The following PPARGC1A variants were observed in gnomAD, a reference collection of about 807,000 sequenced individuals.
PPARGC1A encodes the protein peroxisome proliferator-activated receptor gamma coactivator 1-alpha.
A neutral mutation model predicts 88.7 loss-of-function variants in PPARGC1A; 25 were observed. That is an observed-to-expected ratio of 0.28 (90% CI 0.21 to 0.39). The LOEUF (loss-of-function observed/expected upper bound fraction) is 0.39, where lower values mean the gene tolerates loss of function less well. PPARGC1A is among the 10% of genes least tolerant of loss of function. The probability of loss-of-function intolerance (pLI) is 1.00; values close to 1 mark genes in which losing one functional copy is unlikely to be tolerated. For synonymous variants in PPARGC1A, 363 were observed against 355.6 expected (o/e 1.02, Z -0.24); for missense variants, 880 against 968.7 (o/e 0.91, Z 1.22).
chr4:23,980,659 T>C, the PPARGC1A span, among the ~76,000 whole-genome samples: 1 of 152,104 alleles, frequency 6.6e-6, no homozygotes, highest in Non-Finnish European at 1.5e-5. Context: ...CAAATGTCAT[T>C]TCAGGGCAGC....
chr4:24,305,577 C>A, the PPARGC1A span, among the ~76,000 whole-genome samples: 1 of 152,144 alleles, frequency 6.6e-6, no homozygotes, highest in Non-Finnish European at 1.5e-5. Context: ...CTTTGGGAAG[C>A]CGAGGCAGGT....
chr4:24,408,577 G>A, the PPARGC1A span, among the ~76,000 whole-genome samples: 1 of 152,170 alleles, frequency 6.6e-6, no homozygotes, highest in Admixed American at 6.5e-5. Context: ...CTACACAAGT[G>A]TCTTGAAACT....
At chr4:24,403,334 T>G in the PPARGC1A span, among the ~76,000 whole-genome samples, 1 of 152,224 alleles carries the variant, frequency 6.6e-6, no homozygotes, top group African/African-American at 2.4e-5. Context: ...ACAGCACAAC[T>G]TCAGTGGAAC....
the PPARGC1A span, among the ~76,000 whole-genome samples, chr4:24,348,912 C>G: frequency 2.0e-5 from 3 of 152,100 alleles, no homozygotes; most frequent in Admixed American, 6.5e-5. Flanking sequence ...TTTCTGGTTC[C>G]TTGTCATTTG....
the PPARGC1A span, among the ~76,000 whole-genome samples, chr4:24,089,004 ATG>A: frequency 6.6e-6 from 1 of 152,294 alleles, no homozygotes; most frequent in African/African-American, 2.4e-5. Context: ...GGATTGAAAT[ATG>A]TGTGTATGTG....
chr4:24,365,160 A>C, the PPARGC1A span, among the ~76,000 whole-genome samples: 1 of 152,162 alleles, frequency 6.6e-6, no homozygotes, highest in Non-Finnish European at 1.5e-5. Flanking sequence ...ATTGAAAAAA[A>C]AAAAAAAGAA....
the PPARGC1A span, among the ~76,000 whole-genome samples, chr4:23,920,918 C>T: frequency 6.6e-6 from 1 of 152,172 alleles, no homozygotes; most frequent in African/African-American, 2.4e-5. Context: ...CCCATCTCTG[C>T]TGAGGATATA....
At chr4:24,036,856 G>A in the PPARGC1A span, among the ~76,000 whole-genome samples, 9 of 152,202 alleles carry the variant, frequency 5.9e-5, no homozygotes, top group East Asian at 1.7e-3. Context: ...TTTACTTTTT[G>A]TACACAAATC....
the PPARGC1A span, among the ~76,000 whole-genome samples, chr4:24,104,416 C>G: frequency 6.6e-6 from 1 of 152,138 alleles, no homozygotes; most frequent in South Asian, 2.1e-4. Context: ...CTGACACTCC[C>G]AAGGTCCCTG....
At chr4:23,807,625 A>G (rs1720049789) in intron 10 of PPARGC1A, among the ~76,000 whole-genome samples, 1 of 152,214 alleles carries the variant, frequency 6.6e-6, no homozygotes, top group African/African-American at 2.4e-5. Flanking sequence ...TTAAACATAT[A>G]CATTTTGATG....
At chr4:24,399,419 C>T in the PPARGC1A span, among the ~76,000 whole-genome samples, 3 of 152,144 alleles carry the variant, frequency 2.0e-5, no homozygotes, top group Non-Finnish European at 4.4e-5. Flanking sequence ...GAAATTTCAC[C>T]TATTAACTGT....
At chr4:24,353,183 A>G in the PPARGC1A span, among the ~76,000 whole-genome samples, 1 of 146,834 alleles carries the variant, frequency 6.8e-6, no homozygotes, top group Non-Finnish European at 1.5e-5. Context: ...ACCCTTTTAA[A>G]TAATCAATCT....
At chr4:24,076,516 T>G in the PPARGC1A span, among the ~76,000 whole-genome samples, 2 of 152,310 alleles carry the variant, frequency 1.3e-5, no homozygotes, top group Admixed American at 1.3e-4. Context: ...ATTGAGTCAT[T>G]CAACATGGAG....
chr4:23,907,566 GCTTAA>G (rs1256132485), upstream of PPARGC1A, among the ~76,000 whole-genome samples: 2 of 152,150 alleles, frequency 1.3e-5, no homozygotes, highest in East Asian at 3.9e-4. Flanking sequence ...TAGTTAAGCT[GCTTAA>G]CTTGTCTGAT....
At chr4:23,889,220 G>A in intron 1 of PPARGC1A, 1 of 985,378 alleles carries the variant, frequency 1.0e-6, no homozygotes, top group Non-Finnish European at 1.2e-6. Flanking sequence ...GCAGCTCTCC[G>A]TGGTACAGGA....
chr4:24,442,627 T>C, the PPARGC1A span, among the ~76,000 whole-genome samples: 2 of 152,370 alleles, frequency 1.3e-5, no homozygotes, highest in Admixed American at 1.3e-4. Flanking sequence ...GATAGTAATC[T>C]GTTTTTTGGC....
At chr4:24,094,874 C>T in the PPARGC1A span, among the ~76,000 whole-genome samples, 1 of 151,882 alleles carries the variant, frequency 6.6e-6, no homozygotes, top group Admixed American at 6.6e-5. Flanking sequence ...TAAAAATAAA[C>T]ATCAAGGAAA....
chr4:23,864,743 G>A (rs904420776), intron 2 of PPARGC1A, among the ~76,000 whole-genome samples: 4 of 152,210 alleles, frequency 2.6e-5, no homozygotes, highest in Non-Finnish European at 5.9e-5. Flanking sequence ...AACCTGGTGT[G>A]TGCTGTATTG....
At chr4:23,905,117 T>A (rs1452547189), upstream of PPARGC1A, among the ~76,000 whole-genome samples, 1 of 152,136 alleles carries the variant, frequency 6.6e-6, no homozygotes, top group Admixed American at 6.5e-5. Context: ...AAAGCCCCAC[T>A]CCCTAGTATG....
Sources: gnomAD v4.1 joint callset for allele counts (sites outside exome capture counted in the v4.1 genomes callset) on GRCh38, gnomAD v4.1.1 for gene constraint, MANE v1.5 for transcripts, NCBI Gene and HGNC (gene_info 2026-07-23, HGNC 2026-07-21) for gene names.